The following TRAPPC9 variants were observed in gnomAD, a reference collection of about 807,000 sequenced individuals.
TRAPPC9 encodes the protein trafficking protein particle complex subunit 9, also known as IKK2 binding protein.
Under a neutral mutation model 124.0 loss-of-function variants are expected in TRAPPC9, and 83 were observed. The ratio of observed to expected loss-of-function variants is 0.67; its 90% CI spans 0.56 to 0.80. The LOEUF (loss-of-function observed/expected upper bound fraction) is 0.80. TRAPPC9 is among the 30% of genes least tolerant of loss of function. TRAPPC9 has a pLI of 0.00. For missense variants in TRAPPC9, 1,302 were observed against 1,508.3 expected (o/e 0.86, Z 2.27); for synonymous variants, 638 against 617.5 (o/e 1.03, Z -0.49).
chr8:139,918,947 G>A (rs953065040), intron 19 of TRAPPC9, among the ~76,000 whole-genome samples: 4 of 152,220 alleles, frequency 2.6e-5, no homozygotes, highest in African/African-American at 7.2e-5. Flanking sequence ...TGCTTGGCCC[G>A]CTGGGTCCAA....
At chr8:140,400,459 G>A (rs941199178) in intron 6 of TRAPPC9, among the ~76,000 whole-genome samples, 7 of 152,188 alleles carry the variant, frequency 4.6e-5, no homozygotes, top group South Asian at 4.2e-4. Flanking sequence ...TCACACCTGC[G>A]GCTGTAATGC....
At chr8:140,091,549 G>T (rs1219573743) in intron 17 of TRAPPC9, among the ~76,000 whole-genome samples, 1 of 152,172 alleles carries the variant, frequency 6.6e-6, no homozygotes, top group Non-Finnish European at 1.5e-5. Flanking sequence ...ACTACCAAGG[G>T]TATTTCCTGT....
chr8:139,851,215 G>A (rs1320695295), intron 21 of TRAPPC9, among the ~76,000 whole-genome samples: 1 of 152,198 alleles, frequency 6.6e-6, no homozygotes, highest in African/African-American at 2.4e-5. Context: ...AATGGGAGCC[G>A]AGGAGAGCAG....
chr8:140,171,201 C>T (rs939255069), intron 17 of TRAPPC9, among the ~76,000 whole-genome samples: 1 of 152,110 alleles, frequency 6.6e-6, no homozygotes, highest in African/African-American at 2.4e-5. Context: ...GGCTAAACAA[C>T]CAAAATATCC....
intron 1 of TRAPPC9, among the ~76,000 whole-genome samples, chr8:140,453,789 C>T (rs558514871): frequency 1.3e-5 from 2 of 152,242 alleles, no homozygotes; most frequent in Admixed American, 6.5e-5. Context: ...AAACCACCTT[C>T]GAAAGAACCA....
intron 17 of TRAPPC9, among the ~76,000 whole-genome samples, chr8:140,162,269 C>G (rs2130895911): frequency 6.6e-6 from 1 of 152,314 alleles, no homozygotes; most frequent in Non-Finnish European, 1.5e-5. Context: ...TGAACTCACA[C>G]TCAGCCTCAT....
intron 17 of TRAPPC9, among the ~76,000 whole-genome samples, chr8:140,151,490 C>T (rs1036631062): frequency 6.6e-6 from 1 of 152,156 alleles, no homozygotes; most frequent in African/African-American, 2.4e-5. Flanking sequence ...AGGCCTCTCT[C>T]CTTGGCTTGC....
intron 17 of TRAPPC9, among the ~76,000 whole-genome samples, chr8:140,149,136 G>A (rs1440652507): frequency 6.6e-6 from 1 of 151,938 alleles, no homozygotes; most frequent in Admixed American, 6.6e-5. Context: ...AAGCATCCGC[G>A]TGCCCCTGCA....
chr8:139,901,448 A>C (rs1563907548), intron 20 of TRAPPC9, among the ~76,000 whole-genome samples: 1 of 152,260 alleles, frequency 6.6e-6, no homozygotes, highest in African/African-American at 2.4e-5. Flanking sequence ...TAAGTGCCCC[A>C]GCGTCTCAGC....
intron 17 of TRAPPC9, among the ~76,000 whole-genome samples, chr8:140,049,556 A>C (rs1174813985): frequency 1.3e-5 from 2 of 150,436 alleles, no homozygotes; most frequent in Non-Finnish European, 2.9e-5. Context: ...CCCCCCCCCG[A>C]GACCACCAAA....
At chr8:140,077,607 T>A (rs1160383062) in intron 17 of TRAPPC9, among the ~76,000 whole-genome samples, 1 of 151,860 alleles carries the variant, frequency 6.6e-6, no homozygotes, top group Non-Finnish European at 1.5e-5. Flanking sequence ...CTGGGGGGAC[T>A]CCAAGGCCAA....
intron 9 of TRAPPC9, among the ~76,000 whole-genome samples, chr8:140,313,341 T>C (rs1232841705): frequency 2.6e-5 from 4 of 152,214 alleles, no homozygotes; most frequent in Non-Finnish European, 5.9e-5. Context: ...GGGATCTATT[T>C]GTGGTGCCTC....
chr8:140,451,820 T>C (rs2071471795), intron 1 of TRAPPC9, among the ~76,000 whole-genome samples: 1 of 152,040 alleles, frequency 6.6e-6, no homozygotes, highest in Non-Finnish European at 1.5e-5. Flanking sequence ...AAAATAGTGG[T>C]GATAATAGAA....
chr8:140,228,688 G>A (rs117766876), intron 16 of TRAPPC9, among the ~76,000 whole-genome samples: 3,286 of 152,304 alleles, frequency 0.022, 42 homozygotes, highest in Non-Finnish European at 0.035. Context: ...AGCTGAACAC[G>A]TGAAATGTTC....
chr8:139,964,601 C>A (rs1835576943), intron 19 of TRAPPC9, among the ~76,000 whole-genome samples: 1 of 152,146 alleles, frequency 6.6e-6, no homozygotes, highest in Non-Finnish European at 1.5e-5. Flanking sequence ...CCAACTTAAC[C>A]ATTCCAAAGC....
chr8:140,280,270 G>A (rs2065267343), intron 14 of TRAPPC9, among the ~76,000 whole-genome samples: 1 of 152,202 alleles, frequency 6.6e-6, no homozygotes, highest in Non-Finnish European at 1.5e-5. Context: ...TGGCAGGCTC[G>A]GCGGAAATCA....
At position 140,097,349 on chromosome 8, in the gene TRAPPC9, C is replaced by G. The variant is rs926328501; in HGVS notation, c.2557-73270G>C. On this transcript the variant is annotated intron_variant, in intron 17 of 22. Transcript: ENST00000438773. This position sits in a 1 kb window ranked among gnomAD's most constrained non-coding sequence, Gnocchi z 4.2. ...CCGCCATGCGCAGCCCTGCCACTGT[C>G]TGCAGGGTAAGGACGCCCACCTGGG... 6.6e-6 allele frequency: 1 copy of G among 152,376 alleles called. No homozygotes were observed. The highest frequency in any genetic ancestry group is 1.5e-5 in the Non-Finnish European group (1 of 68,166). The allele number at this position is 152,376 out of a possible 1,614,324, so 9.4% of individuals were successfully genotyped here.
chr8:139,948,679 A>G (rs779021161), intron 19 of TRAPPC9, among the ~76,000 whole-genome samples: 23 of 152,202 alleles, frequency 1.5e-4, no homozygotes, highest in Non-Finnish European at 3.2e-4. Context: ...ATCTGGCCAC[A>G]GGATTGGGGC....
chr8:139,853,148 G>A (rs1273735372), intron 21 of TRAPPC9, among the ~76,000 whole-genome samples: 2 of 152,142 alleles, frequency 1.3e-5, no homozygotes, highest in African/African-American at 4.8e-5. Flanking sequence ...AAGGCCTCTG[G>A]CCCCCAGGCC....
Sources: allele counts gnomAD v4.1 joint callset (sites outside exome capture counted in the v4.1 genomes callset), GRCh38; gene constraint gnomAD v4.1.1; non-coding constraint Gnocchi (gnomAD v3.1); transcripts MANE v1.5; gene names NCBI Gene and HGNC (gene_info 2026-07-23, HGNC 2026-07-21).